EPHB1: variants seen among roughly 807,000 people sequenced by gnomAD.
EPHB1 encodes the protein EPH receptor B1, also known as ephrin type-B receptor 1.
A neutral mutation model predicts 94.4 loss-of-function variants in EPHB1; 30 were observed. The ratio of observed to expected loss-of-function variants is 0.32; its 90% confidence interval spans 0.24 to 0.43. The LOEUF (loss-of-function observed/expected upper bound fraction) is 0.43. Ranked by LOEUF, EPHB1 falls within the 20% of genes least tolerant of loss-of-function variation. The pLI is 1.00. For synonymous variants in EPHB1, 522 were observed against 489.1 expected (o/e 1.07, Z -0.89); for missense variants, 1,055 against 1,308.3 (o/e 0.81, Z 2.99).
At chr3:135,254,887 T>A (rs1933304514) in intron 15 of EPHB1, among the ~76,000 whole-genome samples, 2 of 152,216 alleles carry the variant, frequency 1.3e-5, no homozygotes, top group African/African-American at 4.8e-5. Context: ...ATTGCCACAA[T>A]TTCAGATCCT....
chr3:135,161,256 C>T (rs1382396694), intron 6 of EPHB1, among the ~76,000 whole-genome samples: 1 of 152,092 alleles, frequency 6.6e-6, no homozygotes, highest in Non-Finnish European at 1.5e-5. Flanking sequence ...GAGGTCAGCA[C>T]AGAAAGTGCT....
chr3:135,054,694 G>A (rs1362612784), intron 3 of EPHB1, among the ~76,000 whole-genome samples: 1 of 152,166 alleles, frequency 6.6e-6, no homozygotes, highest in Non-Finnish European at 1.5e-5. Flanking sequence ...GATTTATATT[G>A]TGGACATATT....
At chr3:135,007,330 A>C (rs1411723328) in intron 3 of EPHB1, among the ~76,000 whole-genome samples, 1 of 152,106 alleles carries the variant, frequency 6.6e-6, no homozygotes, top group African/African-American at 2.4e-5. Flanking sequence ...CATCAAATGC[A>C]CCTTCTGGTG....
Position 135,165,981 on chromosome 3 carries a change from A to C in EPHB1, c.1599A>C (p.Ser533=), listed in dbSNP as rs1474509331. 6.2e-7 allele frequency: 1 copy of C among 1,613,968 alleles called. No individual in the cohort carries two copies. Residue 533 remains serine, a synonymous_variant, in exon 8 of 16, where the codon TCA becomes TCC. Coordinates refer to ENST00000398015, the MANE Select transcript of EPHB1 (RefSeq NM_004441.5). ...TTTCTCACCTAGATGATTACAAGTC[A>C]GAGCTGAGGGAGCAGCTGCCCCTGA... is the stretch of plus-strand genomic sequence containing the variant. ...FQTLTDDDYK[S]ELREQLPLIA...
intron 1 of EPHB1, among the ~76,000 whole-genome samples, chr3:134,849,126 A>C (rs1350075856): frequency 1.3e-5 from 2 of 152,230 alleles, no homozygotes; most frequent in African/African-American, 4.8e-5. Flanking sequence ...ATCAGCACAC[A>C]CACTGGTCAT....
intron 15 of EPHB1, among the ~76,000 whole-genome samples, chr3:135,249,962 C>T (rs1292638367): frequency 6.6e-6 from 1 of 152,170 alleles, no homozygotes; most frequent in Non-Finnish European, 1.5e-5. Flanking sequence ...CAGTCTGTGG[C>T]TCCCTCAGGA....
chr3:135,141,530 A>G (rs1173083452), intron 5 of EPHB1, among the ~76,000 whole-genome samples: 1 of 152,058 alleles, frequency 6.6e-6, no homozygotes, highest in Non-Finnish European at 1.5e-5. Context: ...CTTTGTTTGC[A>G]GGAAGGGGCT....
intron 10 of EPHB1, among the ~76,000 whole-genome samples, chr3:135,184,413 A>G (rs1210275404): frequency 1.3e-5 from 2 of 152,230 alleles, no homozygotes; most frequent in Admixed American, 6.5e-5. Flanking sequence ...ATGCCACCCA[A>G]GAAGACAATA....
intron 3 of EPHB1, among the ~76,000 whole-genome samples, chr3:134,979,746 C>T (rs2107732811): frequency 6.6e-6 from 1 of 151,056 alleles, no homozygotes; most frequent in East Asian, 1.9e-4. Context: ...TCAGGAGCAA[C>T]CCATTGTAAG....
chr3:134,978,930 A>G (rs1389627787), intron 3 of EPHB1, among the ~76,000 whole-genome samples: 3 of 152,230 alleles, frequency 2.0e-5, no homozygotes, highest in Admixed American at 6.5e-5. Context: ...TCAGAGGAGT[A>G]AAATAGGACC....
chr3:134,987,793 CA>C (rs1271688555), intron 3 of EPHB1, among the ~76,000 whole-genome samples: 2 of 151,842 alleles, frequency 1.3e-5, no homozygotes, highest in African/African-American at 4.8e-5. Context: ...AACAAACAAA[CA>C]AACCATGTGA....
At chr3:135,015,944 A>G (rs1935783363) in intron 3 of EPHB1, among the ~76,000 whole-genome samples, 1 of 152,230 alleles carries the variant, frequency 6.6e-6, no homozygotes, top group Admixed American at 6.5e-5. Flanking sequence ...GTCAAGGACC[A>G]GATAGGACCA....
At chr3:135,130,832 G>A in intron 4 of EPHB1, among the ~76,000 whole-genome samples, 1 of 152,190 alleles carries the variant, frequency 6.6e-6, no homozygotes, top group South Asian at 2.1e-4. Flanking sequence ...CCTTTACTTT[G>A]AGATGAGAAA....
intron 3 of EPHB1, among the ~76,000 whole-genome samples, chr3:134,980,316 G>A (rs1934356119): frequency 1.3e-5 from 2 of 152,188 alleles, no homozygotes. Context: ...GATTCTAAAG[G>A]AGACTGTTCC....
At chr3:135,030,893 C>T (rs1174263046) in intron 3 of EPHB1, among the ~76,000 whole-genome samples, 1 of 152,170 alleles carries the variant, frequency 6.6e-6, no homozygotes, top group Non-Finnish European at 1.5e-5. Flanking sequence ...GGAGTAGGAC[C>T]CTCGGAGCCA....
At chr3:134,810,729 G>A (rs1304534140) in intron 1 of EPHB1, among the ~76,000 whole-genome samples, 2 of 152,170 alleles carry the variant, frequency 1.3e-5, no homozygotes, top group African/African-American at 4.8e-5. Flanking sequence ...AATGTTTTGG[G>A]TGCAGTTCTG....
chr3:134,910,708 G>A (rs2038434532), intron 1 of EPHB1, among the ~76,000 whole-genome samples: 1 of 152,200 alleles, frequency 6.6e-6, no homozygotes, highest in South Asian at 2.1e-4. Flanking sequence ...GGTAGCACTG[G>A]AGGGGCCTTG....
intron 3 of EPHB1, among the ~76,000 whole-genome samples, chr3:134,953,607 A>G (rs752169531): frequency 1.3e-5 from 2 of 152,192 alleles, no homozygotes; most frequent in Non-Finnish European, 2.9e-5. Flanking sequence ...GCTTCCCGGC[A>G]TGCTTGCAGC....
At chr3:135,227,022 T>C (rs536658222) in intron 12 of EPHB1, among the ~76,000 whole-genome samples, 2 of 152,214 alleles carry the variant, frequency 1.3e-5, no homozygotes, top group African/African-American at 4.8e-5. Context: ...TACTGAAGGG[T>C]GGGGGACCAG....
Sources: allele counts gnomAD v4.1 joint callset (sites outside exome capture counted in the v4.1 genomes callset), GRCh38; gene constraint gnomAD v4.1.1; transcripts MANE v1.5; gene names NCBI Gene and HGNC (gene_info 2026-07-23, HGNC 2026-07-21).